Variants in RNGTT observed in about 807,000 individuals in gnomAD.
RNGTT encodes mRNA-capping enzyme.
In RNGTT, 33 loss-of-function variants were observed where a neutral mutation model predicts 79.3. The ratio of observed to expected loss-of-function variants is 0.42; its 90% CI spans 0.32 to 0.56. RNGTT has a LOEUF of 0.56. Ranked by LOEUF, RNGTT falls within the 20% of genes least tolerant of loss-of-function variation. The pLI is 0.17. For missense variants in RNGTT, 497 were observed against 739.1 expected (o/e 0.67, Z 3.80); for synonymous variants, 222 against 235.9 (o/e 0.94, Z 0.54).
intron 13 of RNGTT, among the ~76,000 whole-genome samples, chr6:88,739,772 T>TATATATATAG: frequency 2.5e-5 from 3 of 121,452 alleles, no homozygotes; most frequent in Non-Finnish European, 5.1e-5. Flanking sequence ...TATATATATA[T>TATATATATAG]ATATATGTTA....
intron 11 of RNGTT, among the ~76,000 whole-genome samples, chr6:88,815,655 C>A (rs577978759): frequency 6.6e-6 from 1 of 152,320 alleles, no homozygotes; most frequent in African/African-American, 2.4e-5. Context: ...AAGCTTATGA[C>A]TTCCCCTGTG....
rs577578993 is a variant in RNGTT at position 88,895,271 on chromosome 6, A to C, written c.685-3356T>G. The stretch of plus-strand genomic sequence containing the variant: ...TGTGTGTGTGTGTGTGTGTGTGTGT[A>C]AAGAGAAAATGTATACAAGAATATA... On this transcript the variant is annotated intron_variant, in intron 6 of 15. Coordinates refer to ENST00000369485, the MANE Select transcript of RNGTT (RefSeq NM_003800.5). Among the ~76,000 whole-genome samples, 183 of 119,598 alleles carry C rather than the reference A, an allele frequency of 1.5e-3. 4 individuals are homozygous for C. In the South Asian group the frequency reaches 0.046, roughly 30 times the overall value. 78.5% of individuals were successfully genotyped at this position (119,598 alleles called of 152,430 possible).
intron 5 of RNGTT, 139 bp from the exon 6 acceptor site, chr6:88,905,094 T>C (rs993550641): frequency 9.0e-6 from 9 of 1,001,636 alleles, no homozygotes; most frequent in Non-Finnish European, 1.3e-5. Context: ...ATCCTCACCC[T>C]CAAGTCATTC....
At chr6:88,710,490 A>AT (rs1440447594) in intron 13 of RNGTT, among the ~76,000 whole-genome samples, 1 of 152,222 alleles carries the variant, frequency 6.6e-6, no homozygotes, top group African/African-American at 2.4e-5. Context: ...TAGACATTAG[A>AT]TTTTAACTGT....
At chr6:88,723,463 G>C (rs540202501) in intron 13 of RNGTT, among the ~76,000 whole-genome samples, 1 of 152,196 alleles carries the variant, frequency 6.6e-6, no homozygotes, top group East Asian at 1.9e-4. Context: ...TGTGCTGCCC[G>C]TTGCTACTTT....
In RNGTT at chr6:88,841,212, A is replaced by C. The variant is rs1165347166; in HGVS notation, c.1269+3145T>G. 3.3e-5 allele frequency among the ~76,000 whole-genome samples: 5 copies of C among 152,250 alleles called. No homozygotes were observed. The East Asian group carries it at 5.8e-4, about 18-fold the overall frequency. On this transcript the variant is annotated intron_variant, in intron 11 of 15. Coordinates refer to ENST00000369485, the MANE Select transcript of RNGTT (RefSeq NM_003800.5). ...ATCCCTGCTGCCAAAACAGACACAA[A>C]AGGCAAGCAGTGAACAGTCGAAAGA...
At chr6:88,839,620 T>C (rs866243267) in intron 11 of RNGTT, among the ~76,000 whole-genome samples, 2 of 152,160 alleles carry the variant, frequency 1.3e-5, no homozygotes, top group Middle Eastern at 3.4e-3. Flanking sequence ...AGAATATAAA[T>C]AAATGTGTTT....
chr6:88,929,084 A>C lies in RNGTT; in HGVS notation c.279-11T>G, dbSNP rs1784405371. 6.2e-7 allele frequency: 1 copy of C among 1,603,764 alleles called. No homozygotes were observed. The highest frequency in any genetic ancestry group is 1.7e-5 in the Admixed American group (1 of 58,060). ...GGGCACTCACCATGTCTAGTAATAT[A>C]GAAAAAGTTTTTTTGAAAAAAGAGA... On this transcript the variant is annotated splice_polypyrimidine_tract_variant and intron_variant, in intron 3 of 15. Coordinates refer to ENST00000369485, the MANE Select transcript of RNGTT (RefSeq NM_003800.5).
At chr6:88,846,249 C>T (rs894784829) in intron 10 of RNGTT, among the ~76,000 whole-genome samples, 7 of 152,278 alleles carry the variant, frequency 4.6e-5, no homozygotes, top group Non-Finnish European at 8.8e-5. Flanking sequence ...TCAGTTCTTA[C>T]TCCCTTCAAA....
chr6:88,652,239 T>C (rs1773824219), intron 14 of RNGTT, among the ~76,000 whole-genome samples: 1 of 152,186 alleles, frequency 6.6e-6, no homozygotes. Flanking sequence ...GGTAACTTAA[T>C]GCTGACTTCT....
intron 13 of RNGTT, among the ~76,000 whole-genome samples, chr6:88,700,039 T>C (rs1562203553): frequency 6.6e-6 from 1 of 152,188 alleles, no homozygotes; most frequent in Non-Finnish European, 1.5e-5. Flanking sequence ...GCCACTGATT[T>C]GTACATTTGA....
At chr6:88,639,156 G>C (rs902785747) in intron 14 of RNGTT, among the ~76,000 whole-genome samples, 1 of 151,926 alleles carries the variant, frequency 6.6e-6, no homozygotes, top group African/African-American at 2.4e-5. Context: ...TTTTAGAGGA[G>C]GTAACGTCTA....
intron 13 of RNGTT, among the ~76,000 whole-genome samples, chr6:88,744,236 T>C (rs1777585741): frequency 6.6e-6 from 1 of 152,100 alleles, no homozygotes; most frequent in Non-Finnish European, 1.5e-5. Flanking sequence ...ATTGTTCTTA[T>C]TACTCCTTTT....
intron 14 of RNGTT, among the ~76,000 whole-genome samples, chr6:88,639,730 T>C (rs1453781628): frequency 1.3e-5 from 2 of 152,208 alleles, no homozygotes; most frequent in African/African-American, 4.8e-5. Context: ...AGATGTTTAT[T>C]TGAAAACCTG....
chr6:88,904,009 C>T (rs145796823), intron 6 of RNGTT, among the ~76,000 whole-genome samples: 3 of 152,036 alleles, frequency 2.0e-5, no homozygotes, highest in African/African-American at 4.8e-5. Flanking sequence ...TTTATGGAAA[C>T]CATGAAAGCA....
chr6:88,737,958 G>A (rs920528186), intron 13 of RNGTT, among the ~76,000 whole-genome samples: 1 of 152,198 alleles, frequency 6.6e-6, no homozygotes, highest in African/African-American at 2.4e-5. Context: ...ACTTTTCAGT[G>A]TTTAAGTGTA....
At chr6:88,693,241 GA>G (rs753880587) in intron 13 of RNGTT, among the ~76,000 whole-genome samples, 1 of 151,582 alleles carries the variant, frequency 6.6e-6, no homozygotes, top group Admixed American at 6.6e-5. Context: ...CCTAGACTGA[GA>G]AAAAAAGATT....
intron 11 of RNGTT, among the ~76,000 whole-genome samples, chr6:88,827,953 T>C (rs1780726376): frequency 1.3e-5 from 2 of 152,154 alleles, no homozygotes; most frequent in African/African-American, 2.4e-5. Flanking sequence ...GGGGCAGCTA[T>C]AGGCACAACT....
intron 13 of RNGTT, among the ~76,000 whole-genome samples, chr6:88,736,342 C>T (rs1777284763): frequency 6.6e-6 from 1 of 152,080 alleles, no homozygotes; most frequent in African/African-American, 2.4e-5. Flanking sequence ...TACCTTAATA[C>T]CAAAATCAGA....
Sources: allele counts gnomAD v4.1 joint callset (sites outside exome capture counted in the v4.1 genomes callset), GRCh38; gene constraint gnomAD v4.1.1; transcripts MANE v1.5; gene names NCBI Gene and HGNC (gene_info 2026-07-23, HGNC 2026-07-21).